Variants in IQCM observed in about 807,000 individuals in gnomAD.
The protein encoded by IQCM is IQ domain-containing protein M.
In IQCM, 45 loss-of-function variants were observed where a neutral mutation model predicts 57.6. That is an observed-to-expected ratio of 0.78 (90% CI 0.62 to 1.00). The LOEUF is 1.00. Ranked by LOEUF, IQCM falls within the 50% of genes least tolerant of loss-of-function variation. The pLI is 0.00. For missense variants in IQCM, 468 were observed against 511.6 expected (o/e 0.91, Z 0.82); for synonymous variants, 148 against 158.9 (o/e 0.93, Z 0.51).
intron 7 of IQCM, among the ~76,000 whole-genome samples, chr4:149,673,497 A>C (rs1761488660): frequency 1.3e-5 from 2 of 152,168 alleles, no homozygotes; most frequent in Admixed American, 6.5e-5. Flanking sequence ...AACAGACTTT[A>C]AACCAACAAA....
intron 13 of IQCM, among the ~76,000 whole-genome samples, chr4:149,373,451 A>G (rs950597067): frequency 6.6e-6 from 1 of 152,142 alleles, no homozygotes; most frequent in African/African-American, 2.4e-5. Flanking sequence ...AGATGTTACT[A>G]TCATAGTTCT....
At chr4:149,508,598 G>C (rs1297927188) in intron 12 of IQCM, among the ~76,000 whole-genome samples, 1 of 152,212 alleles carries the variant, frequency 6.6e-6, no homozygotes, top group African/African-American at 2.4e-5. Context: ...CCCAATGCCT[G>C]TACCCGTATG....
chr4:149,810,615 A>T (rs1397999094), intron 2 of IQCM, among the ~76,000 whole-genome samples: 1 of 151,610 alleles, frequency 6.6e-6, no homozygotes, highest in Non-Finnish European at 1.5e-5. Context: ...ACGCCCGGCT[A>T]AGTTTTGTAT....
intron 13 of IQCM, among the ~76,000 whole-genome samples, chr4:149,409,058 A>G (rs1419842285): frequency 6.6e-6 from 1 of 152,194 alleles, no homozygotes; most frequent in Non-Finnish European, 1.5e-5. Context: ...ACTCTTGAAG[A>G]TGGTGGAAAT....
intron 12 of IQCM, among the ~76,000 whole-genome samples, chr4:149,468,334 C>G (rs190340179): frequency 6.6e-6 from 1 of 152,320 alleles, no homozygotes; most frequent in African/African-American, 2.4e-5. Context: ...TTATATCCCG[C>G]GCATAGCTCA....
At chr4:149,737,125 A>T (rs965452427) in intron 3 of IQCM, among the ~76,000 whole-genome samples, 28 of 152,216 alleles carry the variant, frequency 1.8e-4, no homozygotes, top group African/African-American at 5.8e-4. Context: ...GTTCTAGAAC[A>T]GGTAAAACTA....
intron 13 of IQCM, among the ~76,000 whole-genome samples, chr4:149,366,619 T>C (rs1255581582): frequency 4.6e-5 from 7 of 151,824 alleles, no homozygotes; most frequent in Non-Finnish European, 8.8e-5. Context: ...TTCATTGTCC[T>C]CAAAAAGAGA....
chr4:149,398,335 G>T (rs1239295763), intron 13 of IQCM, among the ~76,000 whole-genome samples: 1 of 151,972 alleles, frequency 6.6e-6, no homozygotes, highest in Admixed American at 6.6e-5. Flanking sequence ...AAGATTGATT[G>T]TTTATTTGTG....
At chr4:149,692,992 G>A (rs1163963548) in intron 5 of IQCM, among the ~76,000 whole-genome samples, 1 of 152,084 alleles carries the variant, frequency 6.6e-6, no homozygotes, top group Non-Finnish European at 1.5e-5. Context: ...GCCAACTTAG[G>A]TATGAGCTGA....
At position 149,419,715 on chromosome 4, in the gene IQCM, T is replaced by C. The variant is rs191285525; in HGVS notation, c.1390+13681A>G. 4.7e-4 allele frequency among the ~76,000 whole-genome samples: 71 copies of C among 152,142 alleles called. 1 individual carries two copies. Among genetic ancestry groups the C allele is most frequent in the Middle Eastern group, 3.4e-3 (1 of 294 alleles). On this transcript the variant is annotated intron_variant, in intron 13 of 13. Coordinates refer to ENST00000636793, the MANE Select transcript of IQCM (RefSeq NM_001363507.2). ...CAGGGTGAACAGGCAACCTACAAAG[T>C]GGGTGAAAAATCTTGCAATCTACCC...
intron 8 of IQCM, among the ~76,000 whole-genome samples, chr4:149,589,567 T>C (rs1163133946): frequency 6.6e-6 from 1 of 152,034 alleles, no homozygotes; most frequent in Non-Finnish European, 1.5e-5. Flanking sequence ...TTCTGACTTA[T>C]GCTGCCATCT....
intron 2 of IQCM, among the ~76,000 whole-genome samples, chr4:149,761,368 G>A (rs1769497311): frequency 1.3e-5 from 2 of 152,020 alleles, no homozygotes; most frequent in African/African-American, 4.8e-5. Context: ...GGGCAAAGGT[G>A]AACTCATTTC....
intron 7 of IQCM, among the ~76,000 whole-genome samples, chr4:149,657,202 C>T (rs1759713901): frequency 6.6e-6 from 1 of 152,094 alleles, no homozygotes; most frequent in Non-Finnish European, 1.5e-5. Context: ...AACCACTGTT[C>T]TACTATCTGC....
rs569483006 is a variant in IQCM, at chr4:149,738,171, T to C, written c.38-2713A>G. Among the ~76,000 whole-genome samples, 31 of 152,300 alleles carry C rather than the reference T, an allele frequency of 2.0e-4. No individual in the cohort carries two copies. The Middle Eastern group carries it at 0.01, about 50-fold the overall frequency. Reference sequence around the variant, plus strand: ...CAGTGCTGCGGCTCTGCACAGGCACTGTGCTCCTGAGTTCCTTGCTGCTCT... The same window carrying C: ...CAGTGCTGCGGCTCTGCACAGGCACCGTGCTCCTGAGTTCCTTGCTGCTCT... On this transcript the variant is annotated intron_variant, in intron 3 of 13. Coordinates refer to ENST00000636793, the MANE Select transcript of IQCM (RefSeq NM_001363507.2).
intron 9 of IQCM, among the ~76,000 whole-genome samples, chr4:149,568,770 C>T (rs940626523): frequency 6.6e-6 from 1 of 152,076 alleles, no homozygotes; most frequent in Non-Finnish European, 1.5e-5. Context: ...AGAATGGGAC[C>T]CTATCTCAAA....
intron 10 of IQCM, among the ~76,000 whole-genome samples, chr4:149,558,114 T>C (rs1560989489): frequency 6.6e-6 from 1 of 152,214 alleles, no homozygotes; most frequent in Non-Finnish European, 1.5e-5. Flanking sequence ...TTAGTGTTTG[T>C]GGAATACTCA....
At chr4:149,659,633 A>G (rs1475197778) in intron 7 of IQCM, among the ~76,000 whole-genome samples, 1 of 152,174 alleles carries the variant, frequency 6.6e-6, no homozygotes, top group African/African-American at 2.4e-5. Context: ...CAAAACAGAG[A>G]TATAGATCAA....
At chr4:149,767,023 T>C (rs1045397878) in intron 2 of IQCM, among the ~76,000 whole-genome samples, 1 of 152,072 alleles carries the variant, frequency 6.6e-6, no homozygotes, top group African/African-American at 2.4e-5. Flanking sequence ...AATATTAGAT[T>C]TTAAAATAAT....
rs576296177 is a variant in IQCM, at chr4:149,449,948, A to G, written c.1229-16391T>C. On this transcript the variant is annotated intron_variant, in intron 12 of 13. Coordinates refer to ENST00000636793, the MANE Select transcript of IQCM (RefSeq NM_001363507.2). Reference sequence around the variant, plus strand: ...AAAACTGGAGGAATCACATTACCTAACTTCAACTTATACTACACAGCTATG... The same window carrying G: ...AAAACTGGAGGAATCACATTACCTAGCTTCAACTTATACTACACAGCTATG... 4.6e-5 allele frequency among the ~76,000 whole-genome samples: 7 copies of G among 152,010 alleles called. No individual in the cohort carries two copies. In the South Asian group the frequency reaches 1.5e-3, roughly 31 times the overall value.
Sources: allele counts gnomAD v4.1 joint callset (sites outside exome capture counted in the v4.1 genomes callset), GRCh38; gene constraint gnomAD v4.1.1; transcripts MANE v1.5; gene names NCBI Gene and HGNC (gene_info 2026-07-23, HGNC 2026-07-21).